Variants in FLRT2 observed in about 807,000 individuals in gnomAD.
FLRT2 encodes the protein fibronectin leucine rich transmembrane protein 2, also known as leucine-rich repeat transmembrane protein FLRT2.
FLRT2 carries 15 observed loss-of-function variants against 40.0 expected under a neutral mutation model. The ratio of observed to expected loss-of-function variants is 0.38; its 90% CI spans 0.25 to 0.58. FLRT2 has a LOEUF of 0.58. Ranked by LOEUF, FLRT2 falls within the 20% of genes least tolerant of loss-of-function variation. The probability of loss-of-function intolerance (pLI) is 0.71; values close to 1 mark genes in which losing one functional copy is unlikely to be tolerated. For missense variants in FLRT2, 726 were observed against 840.0 expected, an observed-to-expected ratio of 0.86 and a Z score of 1.68; for synonymous variants, 380 against 336.8, an observed-to-expected ratio of 1.13 and a Z score of -1.41.
intron 1 of FLRT2, among the ~76,000 whole-genome samples, chr14:85,540,495 C>A (rs907869553): frequency 3.9e-5 from 6 of 152,088 alleles, no homozygotes; most frequent in Non-Finnish European, 8.8e-5. Flanking sequence ...TACATTTAGA[C>A]CTTTGTAAAG....
chr14:85,560,591 A>G (rs1890245595), intron 1 of FLRT2, among the ~76,000 whole-genome samples: 1 of 151,912 alleles, frequency 6.6e-6, no homozygotes, highest in Admixed American at 6.6e-5. Context: ...AAAAATAAAT[A>G]AATAAATAAA....
chr14:85,594,786 C>A (rs1326710027), intron 1 of FLRT2, among the ~76,000 whole-genome samples: 2 of 152,140 alleles, frequency 1.3e-5, no homozygotes, highest in African/African-American at 4.8e-5. Flanking sequence ...GTTGAAAAAT[C>A]TGCCGTTACC....
intron 1 of FLRT2, among the ~76,000 whole-genome samples, chr14:85,569,921 G>C (rs1890810732): frequency 6.6e-6 from 1 of 152,192 alleles, no homozygotes; most frequent in Non-Finnish European, 1.5e-5. Flanking sequence ...GTGGGTCTTA[G>C]TGGTATTTGT....
rs866997043 is a variant in FLRT2 at position 85,623,195 on chromosome 14, G to T, written c.1681G>T (p.Val561Phe). 1 of 1,545,252 alleles carries T rather than the reference G, an allele frequency of 6.5e-7. No homozygotes were observed. Among genetic ancestry groups the T allele is most frequent in the African/African-American group, 1.4e-5 (1 of 72,742 alleles). ...ATTTGTGCTGGTGGTCTTGCTCAGC[G>T]TCTTTTGCTGGCATATGCACAAAAA... ...VIFVLVVLLS[V>F]FCWHMHKKGR... The change falls in exon 2 of 2, where the codon GTC (valine) becomes TTC (phenylalanine). Residue 561 changes from valine to phenylalanine, a missense_variant. Val to Phe is a conservative substitution (Grantham distance 50). Around this residue, in one of 3 missense-constraint regions of FLRT2, gnomAD observed 611 missense variants for 690.0 expected, o/e 0.89. Transcript: ENST00000330753.
intron 1 of FLRT2, among the ~76,000 whole-genome samples, chr14:85,545,390 G>A (rs1212418627): frequency 6.6e-6 from 1 of 152,130 alleles, no homozygotes; most frequent in African/African-American, 2.4e-5. Flanking sequence ...CAGATTGCTT[G>A]TTTTACTTTA....
In FLRT2 at chr14:85,636,344, C is replaced by T. The variant is rs957085419; in HGVS notation, c.*12847C>T. On this transcript the variant is annotated 3_prime_UTR_variant, in exon 2 of 2. Transcript: ENST00000330753. ...CTACCTGGCAGTTTAAAGAACATCACTAACATTGCCTAAATGTAGGAAAAT... is the reference window on the plus strand; with the variant it reads ...CTACCTGGCAGTTTAAAGAACATCATTAACATTGCCTAAATGTAGGAAAAT... 5 of 116,480 alleles carry T rather than the reference C, an allele frequency of 4.3e-5. No individual in the cohort carries two copies. The highest frequency in any genetic ancestry group is 1.6e-4 in the African/African-American group (5 of 30,366). 7.2% of individuals were successfully genotyped at this position (116,480 alleles called of 1,614,324 possible). A position where few individuals can be genotyped will look rare whatever the true frequency, so the allele number is the denominator to read the frequency against.
In FLRT2 at chr14:85,643,039, G is replaced by C. The variant is rs188884757; in HGVS notation, c.*19542G>C. On this transcript the variant is annotated 3_prime_UTR_variant, in exon 2 of 2. Transcript: ENST00000330753. ...AGTTGTAAACAACTGCCCTCAGAAG[G>C]CTCTCTCCTGTCTCTTTTTATTAGG... 3 of 152,268 alleles carry C rather than the reference G, an allele frequency of 2.0e-5. No homozygotes were observed. Among genetic ancestry groups the C allele is most frequent in the Non-Finnish European group, 4.4e-5 (3 of 68,030 alleles). The allele number at this position is 152,268 out of a possible 1,614,324, so 9.4% of individuals were successfully genotyped here.
chr14:85,560,771 T>C (rs1890262547), intron 1 of FLRT2: 1 of 151,770 alleles, frequency 6.6e-6, no homozygotes, highest in Non-Finnish European at 1.5e-5. Context: ...AGGCACAATA[T>C]GCCAGTATGG....
At position 85,635,526 on chromosome 14, in the gene FLRT2, T is replaced by A. The variant is rs1464236784; in HGVS notation, c.*12029T>A. On this transcript the variant is annotated 3_prime_UTR_variant, in exon 2 of 2. Transcript: ENST00000330753. ...TATAAAAAATTGTTTATTAAAATAT[T>A]AAATATTTTATGTTTTCAAGCCATT... 3 of 152,212 alleles carry A rather than the reference T, an allele frequency of 2.0e-5. No individual in the cohort carries two copies. Among genetic ancestry groups the A allele is most frequent in the African/African-American group, 7.2e-5 (3 of 41,578 alleles). 9.4% of individuals were successfully genotyped at this position (152,212 alleles called of 1,614,324 possible). A position where few individuals can be genotyped will look rare whatever the true frequency, so the allele number is the denominator to read the frequency against.
Position 85,648,802 on chromosome 14 carries a change from T to C in FLRT2, c.*25305T>C, listed in dbSNP as rs2139408374. ...GTCATTTACCTCTGTGATTGTGTTT[T>C]TAATGCCTGCCTCCCATTAAGTTAT... On this transcript the variant is annotated 3_prime_UTR_variant, in exon 2 of 2. Transcript: ENST00000330753. 1 of 152,288 alleles carries C rather than the reference T, an allele frequency of 6.6e-6. No individual in the cohort carries two copies. The highest frequency in any genetic ancestry group is 1.9e-4 in the East Asian group (1 of 5,174). 9.4% of individuals were successfully genotyped at this position (152,288 alleles called of 1,614,324 possible).
intron 1 of FLRT2, among the ~76,000 whole-genome samples, chr14:85,584,302 A>G (rs1379873975): frequency 2.0e-5 from 3 of 152,350 alleles, no homozygotes; most frequent in East Asian, 3.9e-4. Flanking sequence ...GACTCAGGAC[A>G]TTGCACTTAT....
At chr14:85,553,819 T>A (rs1173865793) in intron 1 of FLRT2, among the ~76,000 whole-genome samples, 1 of 152,178 alleles carries the variant, frequency 6.6e-6, no homozygotes, top group Admixed American at 6.6e-5. Flanking sequence ...AAGGATAGAG[T>A]GTTTTTGTGC....
chr14:85,539,683 T>C (rs985791225), intron 1 of FLRT2, among the ~76,000 whole-genome samples: 1 of 152,210 alleles, frequency 6.6e-6, no homozygotes, highest in Non-Finnish European at 1.5e-5. Flanking sequence ...TCACATAAGA[T>C]TAATGTGTGT....
intron 1 of FLRT2, among the ~76,000 whole-genome samples, chr14:85,579,925 A>AT (rs4015970): frequency 0.16 from 18,941 of 117,310 alleles, 1,623 homozygotes; most frequent in South Asian, 0.22. Flanking sequence ...GGGTATTAGA[A>AT]TTTTTTTTTT....
Position 85,623,165 on chromosome 14 carries a change from G to T in FLRT2, c.1651G>T (p.Val551Leu). The T allele has an allele frequency of 6.3e-7, 1 of 1,577,900 alleles. No individual in the cohort carries two copies. Among genetic ancestry groups the T allele is most frequent in the African/African-American group, 1.4e-5 (1 of 74,064 alleles). ...FLLAGLIGGA[V>L]IFVLVVLLSV... ...GCTGGCGGGCTTGATCGGGGGCGCGGTGATATTTGTGCTGGTGGTCTTGCT... is the reference window on the plus strand; with the variant it reads ...GCTGGCGGGCTTGATCGGGGGCGCGTTGATATTTGTGCTGGTGGTCTTGCT... Residue 551 changes from valine (V) to leucine (L), a missense_variant, in exon 2 of 2, where the codon GTG becomes TTG. Coordinates refer to ENST00000330753, the MANE Select transcript of FLRT2 (RefSeq NM_013231.6).
At chr14:85,592,789 CAAAAAAAAAAA>C (rs34002874) in intron 1 of FLRT2, among the ~76,000 whole-genome samples, 2 of 90,718 alleles carry the variant, frequency 2.2e-5, no homozygotes, top group Admixed American at 1.3e-4. Context: ...AACTCCGTCT[CAAAAAAAAAAA>C]AAAAAAAGAA....
chr14:85,600,531 T>C (rs1029494460), intron 1 of FLRT2, among the ~76,000 whole-genome samples: 12 of 152,142 alleles, frequency 7.9e-5, no homozygotes, highest in Admixed American at 6.5e-4. Context: ...TCAGAGAAAC[T>C]GATGGAGGTT....
intron 1 of FLRT2, among the ~76,000 whole-genome samples, chr14:85,582,675 G>A (rs576171503): frequency 6.6e-5 from 10 of 152,008 alleles, no homozygotes; most frequent in Admixed American, 2.0e-4. Context: ...CATAGCTATT[G>A]CCATTATAAT....
At chr14:85,551,741 G>A (rs943312414) in intron 1 of FLRT2, 1 of 152,138 alleles carries the variant, frequency 6.6e-6, no homozygotes, top group African/African-American at 2.4e-5. Flanking sequence ...TTCACTTCTT[G>A]CCAGTGAGAA....
Sources: allele counts gnomAD v4.1 joint callset (sites outside exome capture counted in the v4.1 genomes callset), GRCh38; gene constraint gnomAD v4.1.1; regional missense constraint gnomAD v4.1.1; transcripts MANE v1.5; gene names NCBI Gene and HGNC (gene_info 2026-07-23, HGNC 2026-07-21).